Variants in PCBP3 observed in about 807,000 individuals in gnomAD.
PCBP3 encodes poly(rC) binding protein 3.
Under a neutral mutation model 52.7 loss-of-function variants are expected in PCBP3, and 25 were observed. The ratio of observed to expected loss-of-function variants is 0.47; its 90% CI spans 0.35 to 0.66. The LOEUF is 0.66. PCBP3 is among the 30% of genes least tolerant of loss of function. PCBP3 has a pLI of 0.01. For synonymous variants in PCBP3, 162 were observed against 183.0 expected, an observed-to-expected ratio of 0.89 and a Z score of 0.93; for missense variants, 391 against 490.3, an observed-to-expected ratio of 0.80 and a Z score of 1.91.
chr21:45,903,421 C>T (rs1019334285), intron 9 of PCBP3, among the ~76,000 whole-genome samples: 20 of 151,996 alleles, frequency 1.3e-4, no homozygotes, highest in African/African-American at 4.4e-4. Context: ...CAGTTGTCCA[C>T]GTAGATGCAA....
At position 45,823,893 on chromosome 21, in the gene PCBP3, C is replaced by A. The variant is rs532816823; in HGVS notation, c.-125-26068C>A. Among the ~76,000 whole-genome samples, 284 of 152,192 alleles carry A rather than the reference C, an allele frequency of 1.9e-3. 2 individuals are homozygous for A. The highest frequency in any genetic ancestry group is 6.7e-3 in the African/African-American group (277 of 41,520). ...AGTAGCTGGGATTACAGGCACCCAC[C>A]ACCACGCCCAGCTAATTTTTTTATT... On this transcript the variant is annotated intron_variant, in intron 4 of 17. Coordinates refer to ENST00000681687, the MANE Select transcript of PCBP3 (RefSeq NM_001384156.1).
chr21:45,931,409 G>A (rs1038925103), intron 15 of PCBP3, among the ~76,000 whole-genome samples: 3 of 152,226 alleles, frequency 2.0e-5, no homozygotes, highest in Non-Finnish European at 2.9e-5. Context: ...CAGGTGTCCT[G>A]TAATGACCCT....
intron 5 of PCBP3, among the ~76,000 whole-genome samples, chr21:45,857,833 G>A (rs1056514186): frequency 2.6e-5 from 4 of 152,208 alleles, no homozygotes; most frequent in East Asian, 1.9e-4. Context: ...CCTGGTGCTG[G>A]CTTCTCTGCC....
At chr21:45,734,720 C>T (rs1025399537) in intron 2 of PCBP3, among the ~76,000 whole-genome samples, 3 of 152,206 alleles carry the variant, frequency 2.0e-5, no homozygotes, top group Admixed American at 6.5e-5. Context: ...GGATCGTTGT[C>T]CTGTGCTGCC....
At position 45,904,954 on chromosome 21, in the gene PCBP3, A is replaced by T. The variant is rs145963183; in HGVS notation, c.339+3841A>T. 6.0e-3 allele frequency among the ~76,000 whole-genome samples: 914 copies of T among 152,328 alleles called. 3 individuals are homozygous for T. The highest frequency in any genetic ancestry group is 0.014 in the Middle Eastern group (4 of 294). ...CCACCAGTGTTGACTGGAGATATTC[A>T]TCAATTTGTCTACAGCATGATGAGT... On this transcript the variant is annotated intron_variant, in intron 9 of 17. Coordinates refer to ENST00000681687, the MANE Select transcript of PCBP3 (RefSeq NM_001384156.1). This position sits in a 1 kb window ranked among gnomAD's most constrained non-coding sequence, Gnocchi z 4.8.
chr21:45,909,413 G>A lies in PCBP3; in HGVS notation c.398G>A (p.Arg133Lys), dbSNP rs778617895. 8 of 1,613,172 alleles carry A rather than the reference G, an allele frequency of 5.0e-6. No individual in the cohort carries two copies. Among genetic ancestry groups the A allele is most frequent in the Non-Finnish European group, 5.1e-6 (6 of 1,179,730 alleles). Residue 133 changes from arginine (R) to lysine (K), a missense_variant, in exon 10 of 18, where the codon AGG (arginine) becomes AAG (lysine). Physicochemically the swap from Arg to Lys is conservative, Grantham distance 26 (BLOSUM62 2). Coordinates refer to ENST00000681687, the MANE Select transcript of PCBP3 (RefSeq NM_001384156.1). ...PATSKPPVTL[R>K]LVVPASQCGS... ...ACCAGCAAGCCCCCAGTGACGCTGA[G>A]GCTGGTGGTGCCTGCCAGCCAGTGT...
chr21:45,665,813 A>G (rs538163909), intron 1 of PCBP3, among the ~76,000 whole-genome samples: 122 of 152,298 alleles, frequency 8.0e-4, no homozygotes, highest in African/African-American at 2.8e-3. Context: ...CAAGGATACA[A>G]TGAAAAAGAA....
At chr21:45,702,951 C>G (rs1488530564) in intron 2 of PCBP3, among the ~76,000 whole-genome samples, 1 of 152,088 alleles carries the variant, frequency 6.6e-6, no homozygotes, top group Admixed American at 6.6e-5. Context: ...ATGTTCACAG[C>G]ATCTTCACTA....
chr21:45,935,639 G>C (rs188312016), intron 16 of PCBP3: 1 of 432,432 alleles, frequency 2.3e-6, no homozygotes, highest in Non-Finnish European at 4.4e-6. Context: ...TGAAGAACAA[G>C]GTGGCCCAGG....
At position 45,737,359 on chromosome 21, in the gene PCBP3, T is replaced by C. The variant is rs2085956627; in HGVS notation, c.-162+1930T>C. Among the ~76,000 whole-genome samples the C allele has an allele frequency of 6.6e-6, 1 of 152,224 alleles. No homozygotes were observed. The highest frequency in any genetic ancestry group is 2.4e-5 in the African/African-American group (1 of 41,462). ...ATCCCTGTTGCCTTGGGGCCAACTT[T>C]GTAATCTTACAAATCTGGATCTAAT... On this transcript the variant is annotated intron_variant, in intron 3 of 17. Coordinates refer to ENST00000681687, the MANE Select transcript of PCBP3 (RefSeq NM_001384156.1). This position sits in a 1 kb window ranked among gnomAD's most constrained non-coding sequence, Gnocchi z 4.9.
chr21:45,859,635 C>T (rs1052596007), intron 5 of PCBP3: 5 of 152,378 alleles, frequency 3.3e-5, no homozygotes, highest in African/African-American at 1.2e-4. Context: ...GGGCAGCCGT[C>T]AGTGTGATGG....
intron 16 of PCBP3, among the ~76,000 whole-genome samples, chr21:45,937,817 C>T (rs2077040429): frequency 1.3e-5 from 2 of 152,236 alleles, no homozygotes; most frequent in African/African-American, 2.4e-5. Context: ...GAGGTCCGAC[C>T]TCCCCACATT....
In PCBP3 at chr21:45,863,780, G is replaced by A. The variant is rs529890643; in HGVS notation, c.10+13685G>A. Among the ~76,000 whole-genome samples the A allele has an allele frequency of 2.6e-5, 4 of 152,348 alleles. No individual in the cohort carries two copies. The East Asian group carries it at 7.7e-4, about 29-fold the overall frequency. ...CCAAGGTAAGGGATTGAGGGCCCTG[G>A]GTGAGCGGTCCGCGGGCAGGACGGT... On this transcript the variant is annotated intron_variant, in intron 5 of 17. Transcript: ENST00000681687.
chr21:45,852,205 C>T (rs911520553), intron 5 of PCBP3, among the ~76,000 whole-genome samples: 3 of 152,222 alleles, frequency 2.0e-5, no homozygotes, highest in Non-Finnish European at 4.4e-5. Flanking sequence ...ATACTGTATC[C>T]TGTAAATATG....
chr21:45,712,276 T>C (rs967336122), intron 2 of PCBP3, among the ~76,000 whole-genome samples: 12 of 152,232 alleles, frequency 7.9e-5, no homozygotes, highest in Admixed American at 6.5e-4. Context: ...GGGAGCACAA[T>C]TGCTGGATCA....
chr21:45,899,487 C>G, intron 6 of PCBP3, 112 bp from the exon 7 acceptor site: 1 of 751,238 alleles, frequency 1.3e-6, no homozygotes, highest in African/African-American at 1.7e-5. Context: ...CCGGGAAGGT[C>G]CCTTCTGCAC....
chr21:45,745,191 G>T (rs141853001), intron 3 of PCBP3, among the ~76,000 whole-genome samples: 27 of 152,304 alleles, frequency 1.8e-4, no homozygotes, highest in African/African-American at 6.3e-4. Context: ...ACTTCTGTGT[G>T]AGACCCATAG....
At position 45,737,099 on chromosome 21, in the gene PCBP3, G is replaced by A. The variant is rs752398991; in HGVS notation, c.-162+1670G>A. Among the ~76,000 whole-genome samples the A allele has an allele frequency of 9.2e-5, 14 of 152,106 alleles. No individual in the cohort carries two copies. The highest frequency in any genetic ancestry group is 2.1e-4 in the South Asian group (1 of 4,828). The stretch of plus-strand genomic sequence containing the variant: ...GCATCCATGGGGCAGTGAGGAGGCT[G>A]CGGGGCAGGAGGTGAGAGTGCCGCG... On this transcript the variant is annotated intron_variant, in intron 3 of 17. Transcript: ENST00000681687. The surrounding 1 kb of genome is among the most constrained non-coding windows in gnomAD (Gnocchi z 4.9).
intron 10 of PCBP3, among the ~76,000 whole-genome samples, chr21:45,910,041 G>A (rs1254579771): frequency 3.3e-5 from 1 of 30,212 alleles, no homozygotes; most frequent in Non-Finnish European, 5.7e-5. Flanking sequence ...GCCCAGATAT[G>A]GACCCCCCCC....
Sources: gnomAD v4.1 joint callset for allele counts (sites outside exome capture counted in the v4.1 genomes callset) on GRCh38, gnomAD v4.1.1 for gene constraint, Gnocchi (gnomAD v3.1) non-coding constraint, MANE v1.5 for transcripts, NCBI Gene and HGNC (gene_info 2026-07-23, HGNC 2026-07-21) for gene names.